The following CC2D2A variants were observed in gnomAD, a reference collection of about 807,000 sequenced individuals.
CC2D2A encodes coiled-coil and C2 domain-containing protein 2A.
CC2D2A carries 155 observed loss-of-function variants against 212.9 expected under a neutral mutation model. That is an observed-to-expected ratio of 0.73 (90% CI 0.64 to 0.83). The LOEUF is 0.83. Among genes scored for constraint, CC2D2A ranks in the 40% least tolerant of loss-of-function variants. The pLI is 0.00. For missense variants in CC2D2A, 1,856 were observed against 1,956.2 expected (o/e 0.95, Z 0.97); for synonymous variants, 667 against 686.5 (o/e 0.97, Z 0.44).
rs774216288 is a variant in CC2D2A, at chr4:15,516,699, G to A, written c.1092G>A (p.Pro364=). ...PNPIKPFPSR[P]PVLTQEQSIK... is the part of the protein sequence containing the mutation. ...CCATCAAGCCATTTCCTTCAAGGCC[G>A]CCAGTACTAACACAGGAGCAGAGCA... Residue 364 remains proline (P), a synonymous_variant, in exon 11 of 37, where the codon CCG becomes CCA. Transcript: ENST00000424120. The A allele has an allele frequency of 1.2e-5, 20 of 1,613,080 alleles. No individual in the cohort carries two copies. In the African/African-American group the frequency reaches 1.6e-4, roughly 13 times the overall value.
chr4:15,518,629 C>T (rs1717019455), intron 11 of CC2D2A, among the ~76,000 whole-genome samples: 1 of 152,250 alleles, frequency 6.6e-6, no homozygotes, highest in Admixed American at 6.5e-5. Flanking sequence ...CCCCCTGCAG[C>T]AAACTTCTGC....
chr4:15,570,629 C>T, intron 28 of CC2D2A, 133 bp downstream of exon 28: 1 of 557,026 alleles, frequency 1.8e-6, no homozygotes, highest in Non-Finnish European at 3.3e-6. Context: ...CCAAGGAGGG[C>T]ACATCATCTG....
Position 15,511,359 on chromosome 4 carries a change from C to T in CC2D2A, c.653C>T (p.Thr218Ile). ...EKPKARHRAG[T>I]NQEEEEGEEE... The stretch of plus-strand genomic sequence containing the variant: ...CCAAAAGCAAGACATAGAGCGGGAA[C>T]TAATCAAGAGGAGGAGGAAGGGGAA... Residue 218 changes from threonine (T) to isoleucine (I), a missense_variant, in exon 8 of 37, where the codon ACT becomes ATT. Thr to Ile is a moderately conservative substitution (Grantham distance 89). Transcript: ENST00000424120. 1 of 1,573,476 alleles carries T rather than the reference C, an allele frequency of 6.4e-7. No homozygotes were observed. Among genetic ancestry groups the T allele is most frequent in the Non-Finnish European group, 8.6e-7 (1 of 1,165,358 alleles).
chr4:15,540,381 A>C (rs1404759757), intron 16 of CC2D2A, among the ~76,000 whole-genome samples: 1 of 152,158 alleles, frequency 6.6e-6, no homozygotes, highest in Non-Finnish European at 1.5e-5. Context: ...TTACTGTCTG[A>C]AAATGTTGAG....
At chr4:15,573,273 G>A (rs963332335) in intron 28 of CC2D2A, among the ~76,000 whole-genome samples, 1 of 152,144 alleles carries the variant, frequency 6.6e-6, no homozygotes, top group Non-Finnish European at 1.5e-5. Flanking sequence ...TATTTCAGCT[G>A]TACTTTCCAT....
At position 15,557,379 on chromosome 4, in the gene CC2D2A, T is replaced by G; in HGVS notation, c.2701T>G (p.Ser901Ala). Residue 901 changes from serine to alanine, a missense_variant, in exon 21 of 37, where the codon TCA (serine) becomes GCA (alanine). Around this residue, in one of 5 missense-constraint regions of CC2D2A, gnomAD observed 1,512 missense variants for 1,579.3 expected, o/e 0.96. Coordinates refer to ENST00000424120, the MANE Select transcript of CC2D2A (RefSeq NM_001378615.1). ...EQLQQEFNFV[S>A]DQELNRSKRF... ...GCTGCAACAGGAGTTTAACTTTGTT[T>G]CAGATCAAGAATTAAATAGATCCAA... The G allele has an allele frequency of 1.2e-6, 2 of 1,613,754 alleles. No homozygotes were observed. The highest frequency in any genetic ancestry group is 1.7e-6 in the Non-Finnish European group (2 of 1,179,736).
At chr4:15,492,813 G>T (rs1715383844) in intron 4 of CC2D2A, 2 of 652,474 alleles carry the variant, frequency 3.1e-6, no homozygotes, top group Non-Finnish European at 2.9e-6. Context: ...GCTTGATAAA[G>T]TGGTCACTGA....
At chr4:15,542,853 C>T (rs6834359) in intron 17 of CC2D2A, among the ~76,000 whole-genome samples, 135,680 of 152,198 alleles carry the variant, frequency 0.89, 60,774 homozygotes, top group East Asian at 0.97. Context: ...TATTGTTCAG[C>T]ATTTTGAATA....
chr4:15,582,520 G>C (rs1211308444), intron 30 of CC2D2A, among the ~76,000 whole-genome samples: 2 of 152,156 alleles, frequency 1.3e-5, no homozygotes, highest in East Asian at 3.9e-4. Context: ...AGGAGACACT[G>C]CAACTGATAG....
intron 24 of CC2D2A, among the ~76,000 whole-genome samples, chr4:15,565,845 C>G (rs901514261): frequency 6.6e-6 from 1 of 152,078 alleles, no homozygotes; most frequent in Non-Finnish European, 1.5e-5. Context: ...CTCCTGGGCT[C>G]AAGCGATTCT....
At chr4:15,561,752 C>A (rs1363330516) in intron 23 of CC2D2A, 2 of 152,158 alleles carry the variant, frequency 1.3e-5, no homozygotes, top group East Asian at 1.9e-4. Context: ...AGGGAGGAAG[C>A]ATTGACAATG....
At chr4:15,552,939 C>A (rs759150598) in intron 18 of CC2D2A, among the ~76,000 whole-genome samples, 1 of 152,188 alleles carries the variant, frequency 6.6e-6, no homozygotes, top group African/African-American at 2.4e-5. Flanking sequence ...CTCGAGAGTG[C>A]GTCATGAGAA....
At chr4:15,571,576 C>G (rs1040149343) in intron 28 of CC2D2A, among the ~76,000 whole-genome samples, 1 of 148,350 alleles carries the variant, frequency 6.7e-6, no homozygotes, top group Non-Finnish European at 1.5e-5. Flanking sequence ...GCACTCCAGC[C>G]TGGGCAACAG....
At chr4:15,486,412 C>A (rs1475181119) in intron 4 of CC2D2A, among the ~76,000 whole-genome samples, 3 of 151,782 alleles carry the variant, frequency 2.0e-5, no homozygotes, top group Non-Finnish European at 4.4e-5. Context: ...GAAATTTATC[C>A]ATTTCTTCTA....
In CC2D2A at chr4:15,589,696, C is replaced by T. The variant is rs1721006923; in HGVS notation, c.4314+17C>T. 6 of 1,450,620 alleles carry T rather than the reference C, an allele frequency of 4.1e-6. No individual in the cohort carries two copies. Among genetic ancestry groups the T allele is most frequent in the Non-Finnish European group, 4.6e-6 (5 of 1,090,594 alleles). The allele number at this position is 1,450,620 out of a possible 1,614,324, so 89.9% of individuals were successfully genotyped here. A position where few individuals can be genotyped will look rare whatever the true frequency, so the allele number is the denominator to read the frequency against. ...CCTGACAATGTAAGTATTAACATTT[C>T]TTCTTAAATATGGTTAGCTGTCGTT... is the stretch of plus-strand genomic sequence containing the variant. On this transcript the variant is annotated intron_variant, in intron 33 of 36. Transcript: ENST00000424120.
At chr4:15,499,665 A>C (rs893570058) in intron 4 of CC2D2A, among the ~76,000 whole-genome samples, 1 of 152,180 alleles carries the variant, frequency 6.6e-6, no homozygotes, top group African/African-American at 2.4e-5. Context: ...AAAACTAAAA[A>C]ACCCTGAATT....
At chr4:15,510,315 G>A in intron 7 of CC2D2A, 75 bp downstream of exon 7, 2 of 1,331,224 alleles carry the variant, frequency 1.5e-6, no homozygotes, top group Admixed American at 1.9e-5. Flanking sequence ...ATGACTACAG[G>A]CCGGGTGTGG....
At chr4:15,553,403 T>TATTGTCAGGTGCCAG in intron 19 of CC2D2A, 98 bp downstream of exon 19, 1 of 1,314,268 alleles carries the variant, frequency 7.6e-7, no homozygotes. Flanking sequence ...TCTTTCCTTT[T>TATTGTCAGGTGCCAG]ATTGTCAGGT....
At chr4:15,597,048 A>C (rs1001119987) in intron 34 of CC2D2A, among the ~76,000 whole-genome samples, 3 of 152,230 alleles carry the variant, frequency 2.0e-5, no homozygotes, top group Non-Finnish European at 4.4e-5. Context: ...ATCTGTAATA[A>C]AATCATAAAC....
Sources: gnomAD v4.1 joint callset for allele counts (sites outside exome capture counted in the v4.1 genomes callset) on GRCh38, gnomAD v4.1.1 for gene constraint, gnomAD v4.1.1 regional missense constraint, MANE v1.5 for transcripts, NCBI Gene and HGNC (gene_info 2026-07-23, HGNC 2026-07-21) for gene names.